Variants in WDR47 observed in about 807,000 individuals in gnomAD.
WDR47 encodes the protein WD repeat domain 47, also known as WD repeat-containing protein 47.
Under a neutral mutation model 97.2 loss-of-function variants are expected in WDR47, and 32 were observed. The ratio of observed to expected loss-of-function variants is 0.33; its 90% CI spans 0.25 to 0.44. The LOEUF (loss-of-function observed/expected upper bound fraction) is 0.44, where lower values mean the gene tolerates loss of function less well. Ranked by LOEUF, WDR47 falls within the 20% of genes least tolerant of loss-of-function variation. The pLI, the probability that WDR47 is intolerant of heterozygous loss-of-function variation, is 1.00. For synonymous variants in WDR47, 375 were observed against 373.5 expected, an observed-to-expected ratio of 1.00 and a Z score of -0.05; for missense variants, 782 against 1,102.3, an observed-to-expected ratio of 0.71 and a Z score of 4.11.
chr1:109,037,819 T>G (rs1443616565), intron 1 of WDR47, among the ~76,000 whole-genome samples: 2 of 151,940 alleles, frequency 1.3e-5, no homozygotes, highest in Non-Finnish European at 2.9e-5. Context: ...AGTATAAAAT[T>G]TTTATGTCTT....
intron 13 of WDR47, among the ~76,000 whole-genome samples, chr1:108,978,726 A>AG (rs760071772): frequency 2.0e-5 from 3 of 152,218 alleles, no homozygotes; most frequent in Non-Finnish European, 4.4e-5. Flanking sequence ...AGAGAATAGC[A>AG]GAAAGCCCAA....
intron 3 of WDR47, among the ~76,000 whole-genome samples, chr1:109,016,032 A>G (rs1476430523): frequency 1.3e-5 from 2 of 151,142 alleles, no homozygotes; most frequent in Non-Finnish European, 2.9e-5. Context: ...ATTCAACAGC[A>G]TAAGGCTTTC....
At chr1:108,973,313 C>G (rs1373770127) in intron 14 of WDR47, among the ~76,000 whole-genome samples, 1 of 151,952 alleles carries the variant, frequency 6.6e-6, no homozygotes, top group Non-Finnish European at 1.5e-5. Context: ...CCCTATTCAC[C>G]CTAGTCACTA....
intron 7 of WDR47, among the ~76,000 whole-genome samples, chr1:109,001,545 A>G (rs1474851109): frequency 6.6e-6 from 1 of 152,196 alleles, no homozygotes; most frequent in East Asian, 1.9e-4. Flanking sequence ...CTTTACAAAG[A>G]TTAACTCTAT....
Position 108,974,994 on chromosome 1 carries a change from T to C in WDR47, c.2399-240A>G, listed in dbSNP as rs115506515. Among the ~76,000 whole-genome samples, 943 of 152,308 alleles carry C rather than the reference T, an allele frequency of 6.2e-3. 3 individuals are homozygous for C. Among genetic ancestry groups the C allele is most frequent in the African/African-American group, 0.021 (866 of 41,558 alleles). The stretch of plus-strand genomic sequence containing the variant: ...TCCATTTTTTGTCATTTGAGAGAAC[T>C]GTGTGCAACAGCATCACCTATAGTG... On this transcript the variant is annotated intron_variant, in intron 13 of 14. Coordinates refer to ENST00000369962, the MANE Select transcript of WDR47 (RefSeq NM_001142551.2).
intron 4 of WDR47, 135 bp from the exon 5 acceptor site, chr1:109,011,853 C>G: frequency 1.3e-6 from 1 of 794,178 alleles, no homozygotes; most frequent in Non-Finnish European, 1.9e-6. Flanking sequence ...CAACAGCTTT[C>G]AAGATAGGAA....
intron 1 of WDR47, among the ~76,000 whole-genome samples, chr1:109,028,932 C>A (rs929147538): frequency 1.3e-5 from 2 of 152,002 alleles, no homozygotes; most frequent in African/African-American, 4.8e-5. Context: ...GTTAAAATCA[C>A]AAAAATGTAA....
Position 109,023,401 on chromosome 1 carries a change from T to C in WDR47, c.112A>G (p.Ser38Gly), listed in dbSNP as rs1661989600. The C allele has an allele frequency of 4.3e-6, 7 of 1,613,744 alleles. No homozygotes were observed. Among genetic ancestry groups the C allele is most frequent in the Non-Finnish European group, 5.9e-6 (7 of 1,179,904 alleles). ...GAAAACAGGCCATTTATGACTCCAC[T>C]TTCCTTCTCCAGGGCCAGCATACTA... is the stretch of plus-strand genomic sequence containing the variant. ...HISMLALEKE[S>G]GVINGLFSDD... Residue 38 changes from serine (S) to glycine (G), a missense_variant, in exon 2 of 15, where the codon AGT becomes GGT. This residue lies in a region of WDR47 where 428 missense variants were observed against 584.3 expected (regional missense o/e 0.73). Transcript: ENST00000369962.
At chr1:108,991,961 C>G (rs1206120537) in intron 8 of WDR47, among the ~76,000 whole-genome samples, 1 of 152,096 alleles carries the variant, frequency 6.6e-6, no homozygotes, top group East Asian at 1.9e-4. Flanking sequence ...CCACACCCAG[C>G]CAGCTTTTGT....
chr1:108,981,682 T>C lies in WDR47; in HGVS notation c.2398+51A>G, dbSNP rs369687461. Reference sequence around the variant, plus strand: ...TTGCAGGGGAGAAGAAGTAGACTAGTCTAATTTACAAAGTTTTTTTCCCAT... The same window carrying C: ...TTGCAGGGGAGAAGAAGTAGACTAGCCTAATTTACAAAGTTTTTTTCCCAT... On this transcript the variant is annotated intron_variant, in intron 13 of 14. Coordinates refer to ENST00000369962, the MANE Select transcript of WDR47 (RefSeq NM_001142551.2). 8.3e-5 allele frequency: 128 copies of C among 1,547,682 alleles called. 1 individual carries two copies. The highest frequency in any genetic ancestry group is 1.0e-4 in the Non-Finnish European group (120 of 1,146,704).
At chr1:109,017,985 G>A (rs963771618) in intron 2 of WDR47, among the ~76,000 whole-genome samples, 3 of 151,694 alleles carry the variant, frequency 2.0e-5, no homozygotes, top group Non-Finnish European at 4.4e-5. Context: ...CTGACCTCAG[G>A]TGATCCACCC....
intron 1 of WDR47, among the ~76,000 whole-genome samples, chr1:109,041,072 A>G (rs1474443586): frequency 6.6e-6 from 1 of 150,800 alleles, no homozygotes; most frequent in Non-Finnish European, 1.5e-5. Context: ...CTGGGTACAG[A>G]GAAGGAAAAA....
At chr1:108,987,491 G>A (rs1020114588) in intron 9 of WDR47, among the ~76,000 whole-genome samples, 2 of 151,680 alleles carry the variant, frequency 1.3e-5, no homozygotes, top group African/African-American at 4.8e-5. Context: ...TTTTTGAGAT[G>A]GAGTCTTGCT....
Position 109,010,940 on chromosome 1 carries a change from C to A in WDR47, c.1106G>T (p.Ser369Ile). The A allele has an allele frequency of 6.2e-7, 1 of 1,613,090 alleles. No homozygotes were observed. The highest frequency in any genetic ancestry group is 8.5e-7 in the Non-Finnish European group (1 of 1,179,406). Residue 369 changes from serine to isoleucine, a missense_variant, in exon 5 of 15, where the codon AGT becomes ATT. Ser to Ile is a moderately radical substitution (Grantham distance 142). Coordinates refer to ENST00000369962, the MANE Select transcript of WDR47 (RefSeq NM_001142551.2). Reference protein sequence around the residue: ...SLMLENTECHSIYEESPERDT... With the variant: ...SLMLENTECHIIYEESPERDT... ...CCGCTCAGGGGATTCTTCGTAAATA[C>A]TGTGACATTCTGTATTCTCAAGCAT...
At chr1:108,988,515 A>G (rs1659037738) in intron 9 of WDR47, among the ~76,000 whole-genome samples, 1 of 152,008 alleles carries the variant, frequency 6.6e-6, no homozygotes, top group Non-Finnish European at 1.5e-5. Flanking sequence ...ACCAAAAAAA[A>G]GAAAAATAAT....
rs147076286 is a variant in WDR47 at position 109,004,034 on chromosome 1, G to A, written c.1254+558C>T. The stretch of plus-strand genomic sequence containing the variant: ...AATCCCAGCACTCTGGAAGGCCGAG[G>A]TGGGCGGATCACGAGGTCAGGAGAT... On this transcript the variant is annotated intron_variant, in intron 6 of 14. Coordinates refer to ENST00000369962, the MANE Select transcript of WDR47 (RefSeq NM_001142551.2). 9.7e-4 allele frequency among the ~76,000 whole-genome samples: 148 copies of A among 152,262 alleles called. 2 individuals are homozygous for A. The East Asian group carries it at 0.023, about 24-fold the overall frequency.
At chr1:108,987,855 A>G (rs1376166446) in intron 9 of WDR47, among the ~76,000 whole-genome samples, 1 of 152,030 alleles carries the variant, frequency 6.6e-6, no homozygotes, top group Non-Finnish European at 1.5e-5. Context: ...CAAATTCCCT[A>G]ATTTTTCTAT....
intron 1 of WDR47, among the ~76,000 whole-genome samples, chr1:109,040,035 CAAAAAAAAAAAA>C (rs71281820): frequency 2.0e-5 from 1 of 51,136 alleles, no homozygotes; most frequent in Non-Finnish European, 4.0e-5. Context: ...GACTCCGTCT[CAAAAAAAAAAAA>C]AAAAAAAAAA....
intron 10 of WDR47, 108 bp from the exon 11 acceptor site, chr1:108,983,559 AC>A: frequency 1.1e-6 from 1 of 909,234 alleles, no homozygotes; most frequent in South Asian, 3.6e-5. Context: ...AGCGTGTCAG[AC>A]AACAGCTTAT....
Sources: gnomAD v4.1 joint callset for allele counts (sites outside exome capture counted in the v4.1 genomes callset) on GRCh38, gnomAD v4.1.1 for gene constraint, gnomAD v4.1.1 regional missense constraint, MANE v1.5 for transcripts, NCBI Gene and HGNC (gene_info 2026-07-23, HGNC 2026-07-21) for gene names.